Variants in OR51E2 observed in about 807,000 individuals in gnomAD.
The protein encoded by OR51E2 is olfactory receptor 51E2.
A neutral mutation model predicts 13.7 loss-of-function variants in OR51E2; 14 were observed. That is an observed-to-expected ratio of 1.02 (90% confidence interval 0.68 to 1.60). OR51E2 has a LOEUF of 1.60. OR51E2 is among the 40% of genes most tolerant of loss of function. The pLI is 0.00. For missense variants in OR51E2, 483 were observed against 413.8 expected (o/e 1.17, Z -1.45); for synonymous variants, 180 against 157.6 (o/e 1.14, Z -1.07).
At chr11:4,694,579 C>T (rs201646640) in intron 1 of OR51E2, among the ~76,000 whole-genome samples, 26,368 of 117,048 alleles carry the variant, frequency 0.23, 2,723 homozygotes, top group East Asian at 0.34. Context: ...TATATATACA[C>T]ACACACACAC....
intron 1 of OR51E2, among the ~76,000 whole-genome samples, chr11:4,693,038 CT>C (rs1589875355): frequency 1.3e-5 from 2 of 151,938 alleles, no homozygotes; most frequent in East Asian, 3.9e-4. Context: ...GATCAAACCT[CT>C]TAGAGAAATA....
chr11:4,691,807 G>T, intron 1 of OR51E2: 3 of 316,116 alleles, frequency 9.5e-6, no homozygotes, highest in South Asian at 8.4e-5. Context: ...GAAAACTGAT[G>T]AGTATTTATA....
At chr11:4,686,820 G>A (rs1847519922) in intron 1 of OR51E2, among the ~76,000 whole-genome samples, 1 of 151,456 alleles carries the variant, frequency 6.6e-6, no homozygotes, top group African/African-American at 2.4e-5. Context: ...GTCAGAGCAT[G>A]ACATTTGTTC....
chr11:4,697,296 G>T (rs10500614), intron 1 of OR51E2, among the ~76,000 whole-genome samples: 10 of 152,098 alleles, frequency 6.6e-5, no homozygotes, highest in Admixed American at 2.6e-4. Context: ...CAGGATATGC[G>T]CTGTGTCTAA....
chr11:4,696,801 C>G (rs2133255067), intron 1 of OR51E2, among the ~76,000 whole-genome samples: 1 of 152,276 alleles, frequency 6.6e-6, no homozygotes, highest in East Asian at 1.9e-4. Context: ...TAAGCTATAG[C>G]TTGTGGCTGT....
At chr11:4,693,332 G>A (rs953653033) in intron 1 of OR51E2, among the ~76,000 whole-genome samples, 32 of 152,214 alleles carry the variant, frequency 2.1e-4, no homozygotes, top group African/African-American at 7.5e-4. Context: ...GTAGTATTTG[G>A]AGAAGGCTTT....
rs141670434 is a variant in OR51E2, at chr11:4,691,332, C to T, written c.-51+6321G>A. On this transcript the variant is annotated intron_variant, in intron 1 of 1. Transcript: ENST00000396950. ...AAGGGGATTAGAGACGGCCACAAAA[C>T]GATCAAAAGCCATGGCCAACAGCAC... The T allele has an allele frequency of 1.2e-3, 570 of 457,570 alleles. 1 individual carries two copies. The highest frequency in any genetic ancestry group is 2.2e-3 in the Non-Finnish European group (504 of 227,006). The allele number at this position is 457,570 out of a possible 1,614,324, so 28.3% of individuals were successfully genotyped here.
intron 1 of OR51E2, among the ~76,000 whole-genome samples, chr11:4,683,495 T>A (rs1487932100): frequency 1.3e-5 from 2 of 152,168 alleles, no homozygotes; most frequent in Non-Finnish European, 2.9e-5. Context: ...TCTGTGGTCA[T>A]AAAATCAAGG....
chr11:4,694,495 T>C lies in OR51E2; in HGVS notation c.-51+3158A>G, dbSNP rs565391670. On this transcript the variant is annotated intron_variant, in intron 1 of 1. Coordinates refer to ENST00000396950, the MANE Select transcript of OR51E2 (RefSeq NM_030774.4). Reference sequence around the variant, plus strand: ...CTATACATATATATACGTGTATATATATATATACACACACATATATATATA... The same window carrying C: ...CTATACATATATATACGTGTATATACATATATACACACACATATATATATA... 5.5e-5 allele frequency among the ~76,000 whole-genome samples: 8 copies of C among 145,092 alleles called. No homozygotes were observed. In the East Asian group the frequency reaches 2.1e-3, roughly 37 times the overall value.
intron 1 of OR51E2, among the ~76,000 whole-genome samples, chr11:4,688,422 A>T (rs1847539292): frequency 6.6e-6 from 1 of 152,140 alleles, no homozygotes; most frequent in Admixed American, 6.5e-5. Flanking sequence ...AGTTTAAGAA[A>T]ATATTTGGAA....
rs764013355 is a variant in OR51E2 at position 4,681,714 on chromosome 11, G to A, written c.*35C>T. On this transcript the variant is annotated 3_prime_UTR_variant, in exon 2 of 2. Transcript: ENST00000396950. ...TGTTAGAAATAATTATGTTTATCAA[G>A]CCAATAAAGATAAGGAGAAGTGTAG... 1.2e-6 allele frequency: 2 copies of A among 1,604,196 alleles called. No individual in the cohort carries two copies. The highest frequency in any genetic ancestry group is 1.1e-5 in the South Asian group (1 of 90,716).
intron 1 of OR51E2, among the ~76,000 whole-genome samples, chr11:4,693,883 A>T (rs912511161): frequency 1.3e-5 from 2 of 152,170 alleles, no homozygotes; most frequent in Non-Finnish European, 2.9e-5. Flanking sequence ...CCACTTAGAG[A>T]GTTTATAATC....
chr11:4,694,553 C>T (rs865934410), intron 1 of OR51E2, among the ~76,000 whole-genome samples: 204 of 107,000 alleles, frequency 1.9e-3, no homozygotes, highest in African/African-American at 6.8e-3. Context: ...TATATATATA[C>T]ACACACACAT....
rs76814136 is a variant in OR51E2 at position 4,683,661 on chromosome 11, C to A, written c.-50-900G>T. Among the ~76,000 whole-genome samples, 3 of 152,266 alleles carry A rather than the reference C, an allele frequency of 2.0e-5. No homozygotes were observed. The East Asian group carries it at 5.8e-4, about 29-fold the overall frequency. Reference sequence around the variant, plus strand: ...CTTTGGAGAAGTATTATTAATTTTACAATGATATTTTTAGAGCTTTGTCTT... The same window carrying A: ...CTTTGGAGAAGTATTATTAATTTTAAAATGATATTTTTAGAGCTTTGTCTT... On this transcript the variant is annotated intron_variant, in intron 1 of 1. Coordinates refer to ENST00000396950, the MANE Select transcript of OR51E2 (RefSeq NM_030774.4).
intron 1 of OR51E2, among the ~76,000 whole-genome samples, chr11:4,683,567 C>T (rs931633694): frequency 6.6e-6 from 1 of 152,134 alleles, no homozygotes; most frequent in Admixed American, 6.5e-5. Flanking sequence ...TGGTGAGTAC[C>T]TCCGCACCTG....
Position 4,682,153 on chromosome 11 carries a change from C to A in OR51E2, c.559G>T (p.Ala187Ser), listed in dbSNP as rs1847459946. The A allele has an allele frequency of 6.2e-7, 1 of 1,614,088 alleles. No individual in the cohort carries two copies. Among genetic ancestry groups the A allele is most frequent in the Non-Finnish European group, 8.5e-7 (1 of 1,180,052 alleles). Reference sequence around the variant, plus strand: ...ACATTGGGCAAAGTGTCTGCATAGGCCAACTTCATTACATCCTGGTGGACA... The same window carrying A: ...ACATTGGGCAAAGTGTCTGCATAGGACAACTTCATTACATCCTGGTGGACA... ...YCVHQDVMKL[A>S]YADTLPNVVY... The change falls in exon 2 of 2, where the codon GCC (alanine) becomes TCC (serine). Residue 187 changes from alanine to serine, a missense_variant. Ala to Ser is a moderately conservative substitution (Grantham distance 99). Transcript: ENST00000396950.
chr11:4,691,472 T>C (rs1847578775), intron 1 of OR51E2: 1 of 456,444 alleles, frequency 2.2e-6, no homozygotes, highest in Admixed American at 2.4e-5. Context: ...CCAGAGTGGA[T>C]ATGGACAGGC....
rs896901716 is a variant in OR51E2 at position 4,697,724 on chromosome 11, G to C, written c.-122C>G. 3.9e-5 allele frequency: 6 copies of C among 152,750 alleles called. 1 individual carries two copies. The highest frequency in any genetic ancestry group is 6.5e-5 in the Admixed American group (1 of 15,296). The allele number at this position is 152,750 out of a possible 1,614,324, so 9.5% of individuals were successfully genotyped here. On this transcript the variant is annotated 5_prime_UTR_variant, in exon 1 of 2. Coordinates refer to ENST00000396950, the MANE Select transcript of OR51E2 (RefSeq NM_030774.4). ...AGGCTGAGGAGGCTTTAGATTCCAGGGGAGGGCCGAGCTTGCAAATATGAG... is the reference window on the plus strand; with the variant it reads ...AGGCTGAGGAGGCTTTAGATTCCAGCGGAGGGCCGAGCTTGCAAATATGAG...
In OR51E2 at chr11:4,681,586, T is replaced by TA; in HGVS notation, c.*162dup. On this transcript the variant is annotated 3_prime_UTR_variant, in exon 2 of 2. Transcript: ENST00000396950. Reference sequence around the variant, plus strand: ...CATGTAATACTTCATTAGTATGTATTATTCCACATAATAGTCCTTTAGGTA... The same window carrying TA: ...CATGTAATACTTCATTAGTATGTATTAATTCCACATAATAGTCCTTTAGGTA... 2 of 679,270 alleles carry TA rather than the reference T, an allele frequency of 2.9e-6. No homozygotes were observed. The highest frequency in any genetic ancestry group is 5.0e-6 in the Non-Finnish European group (2 of 403,158). The allele number at this position is 679,270 out of a possible 1,614,324, so 42.1% of individuals were successfully genotyped here.
Sources: gnomAD v4.1 joint callset for allele counts (sites outside exome capture counted in the v4.1 genomes callset) on GRCh38, gnomAD v4.1.1 for gene constraint, MANE v1.5 for transcripts, NCBI Gene and HGNC (gene_info 2026-07-23, HGNC 2026-07-21) for gene names.